The following IL1RAPL2 variants were observed in gnomAD, a reference collection of about 807,000 sequenced individuals.
IL1RAPL2 encodes interleukin 1 receptor accessory protein like 2.
IL1RAPL2 carries 3 observed loss-of-function variants against 44.1 expected under a neutral mutation model. That is an observed-to-expected ratio of 0.07 (90% CI 0.03 to 0.18). The LOEUF is 0.18. Among genes scored for constraint, IL1RAPL2 ranks in the 10% least tolerant of loss-of-function variants. The pLI, the probability that IL1RAPL2 is intolerant of heterozygous loss-of-function variation, is 1.00. For synonymous variants in IL1RAPL2, 181 were observed against 178.8 expected (o/e 1.01, Z -0.10); for missense variants, 391 against 496.4 (o/e 0.79, Z 2.02).
chrX:104,949,012 C>T (rs1302781606), intron 2 of IL1RAPL2, among the ~76,000 whole-genome samples: 3 of 109,903 alleles, frequency 2.7e-5, no homozygotes, highest in East Asian at 2.9e-4. Flanking sequence ...CCTCCTTGTA[C>T]CTCTGGTAGA....
chrX:105,204,860 G>A (rs140840862), intron 3 of IL1RAPL2, among the ~76,000 whole-genome samples: 1,928 of 111,496 alleles, frequency 0.017, 45 homozygotes, highest in African/African-American at 0.058. Context: ...AGGGAGTGAT[G>A]GTATATTATG....
At chrX:104,633,524 T>A (rs1242837886) in intron 1 of IL1RAPL2, among the ~76,000 whole-genome samples, 1 of 111,797 alleles carries the variant, frequency 8.9e-6, no homozygotes, top group Non-Finnish European at 1.9e-5. Context: ...TCAGAGCCTG[T>A]TATTTGTCTG....
chrX:105,522,276 CTT>C (rs1227178053), intron 6 of IL1RAPL2, among the ~76,000 whole-genome samples: 1 of 111,904 alleles, frequency 8.9e-6, no homozygotes, highest in Non-Finnish European at 1.9e-5. Flanking sequence ...TATGTTAGTA[CTT>C]TTATGTATCA....
intron 2 of IL1RAPL2, among the ~76,000 whole-genome samples, chrX:105,090,931 T>C (rs1194202269): frequency 8.9e-6 from 1 of 111,995 alleles, no homozygotes; most frequent in Non-Finnish European, 1.9e-5. Flanking sequence ...TAATATGAAC[T>C]GTGAGGACTC....
chrX:105,470,289 C>T (rs1025457790), intron 5 of IL1RAPL2, among the ~76,000 whole-genome samples: 3 of 111,649 alleles, frequency 2.7e-5, no homozygotes, highest in Non-Finnish European at 3.8e-5. Context: ...TTACCATATC[C>T]ATTTTGAAGT....
chrX:104,984,491 G>A (rs947130576), intron 2 of IL1RAPL2, among the ~76,000 whole-genome samples: 6 of 111,439 alleles, frequency 5.4e-5, no homozygotes, highest in African/African-American at 9.8e-5. Flanking sequence ...GGAAATAAGC[G>A]CTCCATTGTG....
chrX:105,024,195 G>A (rs1263589268), intron 2 of IL1RAPL2, among the ~76,000 whole-genome samples: 2 of 111,384 alleles, frequency 1.8e-5, no homozygotes, highest in Admixed American at 9.6e-5. Context: ...TTCACTTAAC[G>A]AGAATAGTCC....
At chrX:105,604,761 A>G (rs2037281136) in intron 6 of IL1RAPL2, among the ~76,000 whole-genome samples, 1 of 111,288 alleles carries the variant, frequency 9.0e-6, no homozygotes, top group African/African-American at 3.3e-5. Flanking sequence ...CCCCAAATAC[A>G]AGCACACCAA....
chrX:104,613,806 GTTTTTTT>G (rs60588678), intron 1 of IL1RAPL2, among the ~76,000 whole-genome samples: 1 of 61,882 alleles, frequency 1.6e-5, no homozygotes, highest in Non-Finnish European at 3.0e-5. Flanking sequence ...TCCAGGGCAT[GTTTTTTT>G]TTTTTTTTTT....
intron 2 of IL1RAPL2, among the ~76,000 whole-genome samples, chrX:105,184,923 G>A (rs782154618): frequency 3.1e-4 from 35 of 111,872 alleles, no homozygotes; most frequent in African/African-American, 9.1e-4. Context: ...AGCAGTAGTA[G>A]TGGTAGCAGT....
chrX:104,907,782 G>T (rs1011782103), intron 2 of IL1RAPL2, among the ~76,000 whole-genome samples: 6 of 111,017 alleles, frequency 5.4e-5, no homozygotes, highest in East Asian at 5.7e-4. Flanking sequence ...ATATTCTGTT[G>T]ATTTGGGGTG....
At chrX:105,640,789 GATATAGAT>G (rs1569460996) in intron 6 of IL1RAPL2, among the ~76,000 whole-genome samples, 14 of 98,556 alleles carry the variant, frequency 1.4e-4, no homozygotes, top group Non-Finnish European at 2.6e-4. Flanking sequence ...TATAGATATA[GATATAGAT>G]AGAGAGAGAG....
chrX:104,950,899 C>G (rs1414686753), intron 2 of IL1RAPL2, among the ~76,000 whole-genome samples: 2 of 110,947 alleles, frequency 1.8e-5, no homozygotes, highest in Admixed American at 9.5e-5. Context: ...TTTTTAAGCC[C>G]GTTTGAAAAG....
At chrX:105,254,708 A>G (rs774586120) in intron 4 of IL1RAPL2, among the ~76,000 whole-genome samples, 6 of 111,468 alleles carry the variant, frequency 5.4e-5, no homozygotes, top group African/African-American at 1.6e-4. Flanking sequence ...AATTCATTAA[A>G]CCATTTTGAG....
At chrX:104,678,975 TAAAA>T (rs1930842278) in intron 2 of IL1RAPL2, among the ~76,000 whole-genome samples, 1 of 111,709 alleles carries the variant, frequency 9.0e-6, no homozygotes, top group Non-Finnish European at 1.9e-5. Flanking sequence ...AGTTTAATAA[TAAAA>T]AAAGAATTCA....
At chrX:105,167,774 C>G (rs916037256) in intron 2 of IL1RAPL2, among the ~76,000 whole-genome samples, 2 of 109,825 alleles carry the variant, frequency 1.8e-5, no homozygotes, top group African/African-American at 6.7e-5. Flanking sequence ...CCCTGTTTTG[C>G]CATTTTATTA....
intron 2 of IL1RAPL2, among the ~76,000 whole-genome samples, chrX:104,919,619 C>T (rs1224436808): frequency 9.3e-6 from 1 of 107,223 alleles, no homozygotes; most frequent in African/African-American, 3.4e-5. Flanking sequence ...CAACCTCCCC[C>T]TCCTGGGTTC....
Position 105,199,446 on chromosome X carries a change from GA to G in IL1RAPL2, c.356+3701del, listed in dbSNP as rs1459441024. Among the ~76,000 whole-genome samples the G allele has an allele frequency of 2.7e-5, 3 of 109,703 alleles. No homozygotes were observed. The Admixed American group carries it at 3.0e-4, about 11-fold the overall frequency. ...GTTTTTTTAATGGATAATTGCATTA[GA>G]AACCTAGATTTGGTTGCTAGGTATG... On this transcript the variant is annotated intron_variant, in intron 3 of 10. Coordinates refer to ENST00000372582, the MANE Select transcript of IL1RAPL2 (RefSeq NM_017416.2).
At chrX:104,669,841 C>G (rs1418439788) in intron 2 of IL1RAPL2, among the ~76,000 whole-genome samples, 1 of 111,673 alleles carries the variant, frequency 9.0e-6, no homozygotes, top group East Asian at 2.8e-4. Context: ...AATTTTTAAT[C>G]TATTTAAATT....
Sources: gnomAD v4.1 joint callset for allele counts (sites outside exome capture counted in the v4.1 genomes callset) on GRCh38, gnomAD v4.1.1 for gene constraint, MANE v1.5 for transcripts, NCBI Gene and HGNC (gene_info 2026-07-23, HGNC 2026-07-21) for gene names.